CREB5: variants seen among roughly 807,000 people sequenced by gnomAD.
CREB5 encodes the protein cyclic AMP-responsive element-binding protein 5.
A neutral mutation model predicts 57.1 loss-of-function variants in CREB5; 19 were observed. The observed-to-expected ratio is 0.33, with a 90% CI of 0.23 to 0.49. CREB5 has a LOEUF of 0.49. Among genes scored for constraint, CREB5 ranks in the 20% least tolerant of loss-of-function variants. The pLI, the probability that CREB5 is intolerant of heterozygous loss-of-function variation, is 0.99. For missense variants in CREB5, 579 were observed against 671.6 expected, an observed-to-expected ratio of 0.86 and a Z score of 1.52; for synonymous variants, 238 against 238.3, an observed-to-expected ratio of 1.00 and a Z score of 0.01.
intron 4 of CREB5, among the ~76,000 whole-genome samples, chr7:28,551,223 C>A (rs1562790685): frequency 6.6e-6 from 1 of 151,582 alleles, no homozygotes; most frequent in Non-Finnish European, 1.5e-5. Flanking sequence ...TTGGATTAAA[C>A]CCTATAGGAT....
intron 5 of CREB5, among the ~76,000 whole-genome samples, chr7:28,576,987 T>C (rs1348271942): frequency 6.6e-6 from 1 of 152,214 alleles, no homozygotes; most frequent in Non-Finnish European, 1.5e-5. Flanking sequence ...TTGTGCAGCA[T>C]ATTGAAAAGA....
chr7:28,778,165 A>C (rs1161757442), intron 7 of CREB5, among the ~76,000 whole-genome samples: 1 of 152,246 alleles, frequency 6.6e-6, no homozygotes, highest in African/African-American at 2.4e-5. Context: ...AAGTTTTATA[A>C]GAAAATACTA....
intron 1 of CREB5, among the ~76,000 whole-genome samples, chr7:28,480,816 C>A (rs1248554677): frequency 1.3e-5 from 2 of 152,172 alleles, no homozygotes; most frequent in Non-Finnish European, 2.9e-5. Flanking sequence ...CAACATTGCA[C>A]CTCTCATGCT....
rs1396686194 is a variant in CREB5 at position 28,560,845 on chromosome 7, C to CGTGCGTGCGCGT, written c.292-9519_292-9518insTGCGTGCGCGTG. 7.5e-4 allele frequency among the ~76,000 whole-genome samples: 31 copies of CGTGCGTGCGCGT among 41,320 alleles called. 2 individuals carry two copies. Among genetic ancestry groups the CGTGCGTGCGCGT allele is most frequent in the Non-Finnish European group, 1.5e-3 (27 of 17,838 alleles). The allele number at this position is 41,320 out of a possible 152,430, so 27.1% of individuals were successfully genotyped here. A position where few individuals can be genotyped will look rare whatever the true frequency, so the allele number is the denominator to read the frequency against. ...GTGCGCGCGCGCGCGTGTGTGTGTG[C>CGTGCGTGCGCGT]GCGTGTGTGTGTGCGTGTGCCTGCG... On this transcript the variant is annotated intron_variant, in intron 4 of 10. Transcript: ENST00000357727.
chr7:28,590,617 T>A (rs1300584329), intron 5 of CREB5, among the ~76,000 whole-genome samples: 1 of 151,296 alleles, frequency 6.6e-6, no homozygotes, highest in Admixed American at 6.6e-5. Flanking sequence ...ACATGCCACA[T>A]GTATACATGT....
At chr7:28,809,459 T>C in intron 9 of CREB5, 45 bp downstream of exon 9, 1 of 1,521,036 alleles carries the variant, frequency 6.6e-7, no homozygotes. Context: ...GGCCCTCTGC[T>C]CCACGGGCAT....
chr7:28,683,045 A>C (rs1415010242), intron 5 of CREB5, among the ~76,000 whole-genome samples: 1 of 152,214 alleles, frequency 6.6e-6, no homozygotes, highest in East Asian at 1.9e-4. Context: ...TGTTGTAAGC[A>C]TTCCTGAGCA....
At chr7:28,560,978 G>A (rs1225749797) in intron 4 of CREB5, among the ~76,000 whole-genome samples, 10 of 57,998 alleles carry the variant, frequency 1.7e-4, no homozygotes, top group South Asian at 8.3e-4. Context: ...GTGTGCGTGT[G>A]TGCGTGCGTG....
rs535604944 is a variant in CREB5 at position 28,464,760 on chromosome 7, C to A, written c.4-23415C>A. Among the ~76,000 whole-genome samples the A allele has an allele frequency of 1.8e-4, 27 of 151,342 alleles. No homozygotes were observed. In the South Asian group the frequency reaches 5.4e-3, roughly 30 times the overall value. ...CTTTTTGAAAATACTACCATGAGGG[C>A]TCCTGAATGACGCAGTTATGCAGTT... On this transcript the variant is annotated intron_variant, in intron 1 of 10. Coordinates refer to ENST00000357727, the MANE Select transcript of CREB5 (RefSeq NM_182898.4).
intron 1 of CREB5, among the ~76,000 whole-genome samples, chr7:28,362,985 T>C (rs992711372): frequency 6.6e-6 from 1 of 152,184 alleles, no homozygotes; most frequent in African/African-American, 2.4e-5. Context: ...GGAAGGATTT[T>C]ATAATATCTA....
chr7:28,593,610 C>T (rs1385366337), intron 5 of CREB5, among the ~76,000 whole-genome samples: 1 of 152,188 alleles, frequency 6.6e-6, no homozygotes, highest in Non-Finnish European at 1.5e-5. Context: ...GTGCTCCATC[C>T]ATAAGTGGAG....
chr7:28,384,850 T>C lies in CREB5; in HGVS notation c.-25+85409T>C, dbSNP rs574412649. On this transcript the variant is annotated intron_variant, in intron 1 of 9. Transcript: ENST00000396299. ...AAACTCTTGCCATAGAATACTATAA[T>C]CAATTTAAATTGGTAAATGTTTCCT... 1.8e-4 allele frequency among the ~76,000 whole-genome samples: 27 copies of C among 152,326 alleles called. No homozygotes were observed. The South Asian group carries it at 2.9e-3, about 16-fold the overall frequency.
chr7:28,552,814 G>A (rs971976401), intron 4 of CREB5, among the ~76,000 whole-genome samples: 10 of 152,208 alleles, frequency 6.6e-5, no homozygotes, highest in African/African-American at 2.2e-4. Flanking sequence ...AGGTTGAAAT[G>A]AATTATCTGC....
At chr7:28,516,925 C>T (rs905138120) in intron 4 of CREB5, among the ~76,000 whole-genome samples, 4 of 152,176 alleles carry the variant, frequency 2.6e-5, no homozygotes, top group Non-Finnish European at 5.9e-5. Context: ...GACAGGCACA[C>T]AGAGTGGGGT....
At chr7:28,413,342 A>T (rs1223406522) in intron 1 of CREB5, among the ~76,000 whole-genome samples, 1 of 152,152 alleles carries the variant, frequency 6.6e-6, no homozygotes, top group African/African-American at 2.4e-5. Flanking sequence ...TCCGCATTCA[A>T]ACCTAGATGT....
chr7:28,549,863 C>T (rs763777600), intron 4 of CREB5, among the ~76,000 whole-genome samples: 55 of 152,188 alleles, frequency 3.6e-4, no homozygotes, highest in Non-Finnish European at 7.2e-4. Context: ...TGCTTCAAAC[C>T]CTTAGCCCTT....
chr7:28,679,052 C>CTTTTTTTTTTTTTTTTTTT (rs56266854), intron 5 of CREB5, among the ~76,000 whole-genome samples: 1 of 123,866 alleles, frequency 8.1e-6, no homozygotes. Context: ...TTTTGTAGTT[C>CTTTTTTTTTTTTTTTTTTT]TTTTTTTTTT....
At chr7:28,561,656 T>C (rs1795275532) in intron 4 of CREB5, among the ~76,000 whole-genome samples, 1 of 152,248 alleles carries the variant, frequency 6.6e-6, no homozygotes, top group South Asian at 2.1e-4. Context: ...AATCCATTGC[T>C]ATCTACCAAG....
chr7:28,763,198 C>T (rs1036384050), intron 7 of CREB5, among the ~76,000 whole-genome samples: 1 of 152,094 alleles, frequency 6.6e-6, no homozygotes, highest in Admixed American at 6.6e-5. Context: ...TAAAAACATG[C>T]AAAGAAGAAA....
Sources: allele counts gnomAD v4.1 joint callset (sites outside exome capture counted in the v4.1 genomes callset), GRCh38; gene constraint gnomAD v4.1.1; transcripts MANE v1.5; gene names NCBI Gene and HGNC (gene_info 2026-07-23, HGNC 2026-07-21).